Variants in NCAM1 observed in about 807,000 individuals in gnomAD.
NCAM1 encodes neural cell adhesion molecule 1, also known as antigen recognized by monoclonal antibody 5.1H11.
In NCAM1, 14 loss-of-function variants were observed where a neutral mutation model predicts 109.8. That is an observed-to-expected ratio of 0.13 (90% confidence interval 0.08 to 0.20). NCAM1 has a LOEUF of 0.20. Among genes scored for constraint, NCAM1 ranks in the 10% least tolerant of loss-of-function variants. The pLI, the probability that NCAM1 is intolerant of heterozygous loss-of-function variation, is 1.00. For synonymous variants in NCAM1, 418 were observed against 442.9 expected, an observed-to-expected ratio of 0.94 and a Z score of 0.70; for missense variants, 774 against 1,109.9, an observed-to-expected ratio of 0.70 and a Z score of 4.30.
intron 1 of NCAM1, among the ~76,000 whole-genome samples, chr11:113,116,486 C>T (rs1465860631): frequency 6.6e-6 from 1 of 152,232 alleles, no homozygotes; most frequent in Non-Finnish European, 1.5e-5. Context: ...TAAGCTAGTT[C>T]AGCTGGCACA....
intron 1 of NCAM1, among the ~76,000 whole-genome samples, chr11:113,057,654 T>C (rs561454960): frequency 6.6e-6 from 1 of 152,226 alleles, no homozygotes; most frequent in Admixed American, 6.5e-5. Flanking sequence ...AATTTGTTAG[T>C]GATTATGCTT....
chr11:113,231,942 G>C (rs1383301499), intron 10 of NCAM1, 147 bp downstream of exon 10: 10 of 1,189,728 alleles, frequency 8.4e-6, no homozygotes, highest in Admixed American at 6.3e-5. Flanking sequence ...TCAGAGCTCT[G>C]TTCCCAAGCC....
At chr11:113,054,935 G>A (rs1390776942) in intron 1 of NCAM1, among the ~76,000 whole-genome samples, 1 of 152,158 alleles carries the variant, frequency 6.6e-6, no homozygotes, top group Non-Finnish European at 1.5e-5. Flanking sequence ...ATACCTTAAA[G>A]TGACCCCTGT....
intron 1 of NCAM1, among the ~76,000 whole-genome samples, chr11:113,088,419 C>T (rs548929820): frequency 5.9e-5 from 9 of 152,218 alleles, no homozygotes; most frequent in African/African-American, 2.2e-4. Flanking sequence ...AATCATTTAC[C>T]CAGTAGGCTT....
intron 18 of NCAM1, among the ~76,000 whole-genome samples, 172 bp from the exon 19 acceptor site, chr11:113,271,588 T>G (rs1452274656): frequency 6.6e-6 from 1 of 152,072 alleles, no homozygotes; most frequent in African/African-American, 2.4e-5. Context: ...GGTGATTAAA[T>G]CTGAAGCTCA....
intron 1 of NCAM1, among the ~76,000 whole-genome samples, chr11:113,049,496 G>A (rs1321737022): frequency 6.6e-6 from 1 of 152,118 alleles, no homozygotes; most frequent in East Asian, 1.9e-4. Flanking sequence ...ATATCTCCCA[G>A]GAATGCCTGC....
chr11:113,172,330 A>C (rs1227961113), intron 1 of NCAM1, among the ~76,000 whole-genome samples: 10 of 152,114 alleles, frequency 6.6e-5, no homozygotes, highest in African/African-American at 2.4e-4. Flanking sequence ...TGTCTCGTGT[A>C]TTGCATGAAG....
At chr11:113,167,266 C>T (rs1022968575) in intron 1 of NCAM1, among the ~76,000 whole-genome samples, 6 of 152,204 alleles carry the variant, frequency 3.9e-5, no homozygotes, top group Non-Finnish European at 8.8e-5. Flanking sequence ...GTATATATAT[C>T]TTTCTAAGCT....
rs576192504 is a variant in NCAM1, at chr11:112,964,987, TTTC to T, written c.52+3326_52+3328del. On this transcript the variant is annotated intron_variant, in intron 1 of 19. Transcript: ENST00000316851. The stretch of plus-strand genomic sequence containing the variant: ...TAAGCTTCCATTAGTCTTTAACTGT[TTTC>T]TTAAGTTAATGCTTTATGAACGCCC... Among the ~76,000 whole-genome samples, 406 of 152,304 alleles carry T rather than the reference TTTC, an allele frequency of 2.7e-3. 6 individuals carry two copies. Among genetic ancestry groups the T allele is most frequent in the African/African-American group, 9.4e-3 (389 of 41,574 alleles).
intron 1 of NCAM1, among the ~76,000 whole-genome samples, chr11:112,970,757 T>C (rs1950856984): frequency 6.6e-6 from 1 of 152,182 alleles, no homozygotes; most frequent in African/African-American, 2.4e-5. Context: ...GAGGTGCTTG[T>C]TTGATTAAAG....
At chr11:112,972,689 G>A (rs1210628161) in intron 1 of NCAM1, among the ~76,000 whole-genome samples, 2 of 152,144 alleles carry the variant, frequency 1.3e-5, no homozygotes, top group Non-Finnish European at 2.9e-5. Flanking sequence ...AGTACTAAGG[G>A]TGGTTAAAAG....
At chr11:113,251,432 C>A (rs1945673439) in intron 15 of NCAM1, among the ~76,000 whole-genome samples, 1 of 152,130 alleles carries the variant, frequency 6.6e-6, no homozygotes, top group African/African-American at 2.4e-5. Flanking sequence ...ATTATGGTTT[C>A]TAAGGGAGAA....
chr11:113,214,111 C>T (rs1015818134), intron 7 of NCAM1, among the ~76,000 whole-genome samples: 3 of 152,204 alleles, frequency 2.0e-5, no homozygotes, highest in East Asian at 3.8e-4. Flanking sequence ...AGCGATCTTC[C>T]GCCATGTCCT....
intron 15 of NCAM1, among the ~76,000 whole-genome samples, chr11:113,254,721 T>TA (rs1555122001): frequency 6.6e-6 from 1 of 152,194 alleles, no homozygotes; most frequent in Non-Finnish European, 1.5e-5. Flanking sequence ...CACACGTCTG[T>TA]GATTCTGTTT....
chr11:113,228,387 G>A (rs1233060884), intron 9 of NCAM1, among the ~76,000 whole-genome samples: 1 of 152,140 alleles, frequency 6.6e-6, no homozygotes, highest in Admixed American at 6.5e-5. Flanking sequence ...GGATGTGAAG[G>A]ACCTCTTCAA....
intron 1 of NCAM1, among the ~76,000 whole-genome samples, chr11:113,081,257 C>A (rs1279635215): frequency 9.3e-6 from 1 of 107,310 alleles, no homozygotes; most frequent in Non-Finnish European, 2.2e-5. Context: ...AGTGAGATGG[C>A]AGGACGGGGG....
intron 1 of NCAM1, among the ~76,000 whole-genome samples, chr11:113,007,896 T>G (rs1262889844): frequency 6.6e-6 from 1 of 152,248 alleles, no homozygotes; most frequent in Non-Finnish European, 1.5e-5. Context: ...CTGAATGAAC[T>G]CATTGTTCTG....
At chr11:113,234,096 A>G (rs1351461235) in intron 13 of NCAM1, among the ~76,000 whole-genome samples, 1 of 149,010 alleles carries the variant, frequency 6.7e-6, no homozygotes. Flanking sequence ...AGTTTCCATC[A>G]CTTCTTCAGC....
At position 112,986,092 on chromosome 11, in the gene NCAM1, C is replaced by A. The variant is rs55663337; in HGVS notation, c.52+24428C>A. ...ATGTTGAGATACAGTCCTTCTATAC[C>A]TAATTTGTTGAGAGTTTTTAATCAC... On this transcript the variant is annotated intron_variant, in intron 1 of 19. Transcript: ENST00000316851. Among the ~76,000 whole-genome samples, 1,080 of 151,962 alleles carry A rather than the reference C, an allele frequency of 7.1e-3. 8 individuals carry two copies. The highest frequency in any genetic ancestry group is 0.011 in the Non-Finnish European group (741 of 67,852).
Sources: allele counts gnomAD v4.1 joint callset (sites outside exome capture counted in the v4.1 genomes callset), GRCh38; gene constraint gnomAD v4.1.1; transcripts MANE v1.5; gene names NCBI Gene and HGNC (gene_info 2026-07-23, HGNC 2026-07-21).